The following KIAA0825 variants were observed in gnomAD, a reference collection of about 807,000 sequenced individuals.
The protein encoded by KIAA0825 is uncharacterized protein KIAA0825.
KIAA0825 carries 119 observed loss-of-function variants against 147.6 expected under a neutral mutation model. The ratio of observed to expected loss-of-function variants is 0.81; its 90% CI spans 0.69 to 0.94. The LOEUF is 0.94. Ranked by LOEUF, KIAA0825 falls within the 40% of genes least tolerant of loss-of-function variation. The pLI is 0.00. For missense variants in KIAA0825, 1,381 were observed against 1,472.7 expected (o/e 0.94, Z 1.02); for synonymous variants, 470 against 518.1 (o/e 0.91, Z 1.26).
intron 20 of KIAA0825, among the ~76,000 whole-genome samples, chr5:94,317,527 C>T (rs952813109): frequency 4.6e-5 from 7 of 151,848 alleles, no homozygotes; most frequent in African/African-American, 1.4e-4. Context: ...CATTGCACAA[C>T]TCCAGGGCTA....
At chr5:94,225,571 T>C (rs1174311398) in intron 20 of KIAA0825, among the ~76,000 whole-genome samples, 1 of 152,126 alleles carries the variant, frequency 6.6e-6, no homozygotes, top group African/African-American at 2.4e-5. Context: ...GAAAGATGAG[T>C]TTGCTGTCTC....
chr5:94,483,907 C>T (rs1762759153), intron 6 of KIAA0825, among the ~76,000 whole-genome samples: 1 of 151,200 alleles, frequency 6.6e-6, no homozygotes, highest in Non-Finnish European at 1.5e-5. Flanking sequence ...CACTTGCTTC[C>T]TTCACTTTTT....
intron 3 of KIAA0825, among the ~76,000 whole-genome samples, chr5:94,526,944 A>G (rs1361295551): frequency 2.6e-5 from 4 of 152,000 alleles, no homozygotes. Flanking sequence ...TGGGAGGTGT[A>G]AAAAGGTTTT....
chr5:94,162,518 G>C (rs925315479), intron 20 of KIAA0825, among the ~76,000 whole-genome samples: 6 of 152,102 alleles, frequency 3.9e-5, no homozygotes, highest in Non-Finnish European at 7.4e-5. Flanking sequence ...TGTTGCCCAG[G>C]CTGGCCTCAA....
At chr5:94,503,495 A>T (rs992161195) in intron 5 of KIAA0825, among the ~76,000 whole-genome samples, 4 of 152,096 alleles carry the variant, frequency 2.6e-5, no homozygotes, top group African/African-American at 9.7e-5. Context: ...CCTCATGAAC[A>T]CAGAACTTGG....
intron 8 of KIAA0825, among the ~76,000 whole-genome samples, chr5:94,472,359 T>C (rs558368539): frequency 2.0e-5 from 3 of 152,152 alleles, no homozygotes; most frequent in Admixed American, 6.5e-5. Context: ...TATCTCCACA[T>C]TGGATCAGTC....
intron 2 of KIAA0825, among the ~76,000 whole-genome samples, chr5:94,537,562 A>G (rs1772309890): frequency 7.1e-6 from 1 of 141,530 alleles, no homozygotes; most frequent in Admixed American, 6.8e-5. Context: ...GAGGCAGAAG[A>G]ATGGTGTGAA....
chr5:94,197,790 GT>G (rs1479509029), intron 20 of KIAA0825, among the ~76,000 whole-genome samples: 1 of 152,138 alleles, frequency 6.6e-6, no homozygotes, highest in Non-Finnish European at 1.5e-5. Flanking sequence ...TAGGTGTGAA[GT>G]TTTATTTCTG....
At chr5:94,518,627 T>G (rs1326735411) in intron 5 of KIAA0825, among the ~76,000 whole-genome samples, 1 of 152,080 alleles carries the variant, frequency 6.6e-6, no homozygotes, top group South Asian at 2.1e-4. Flanking sequence ...GTTCATGAAA[T>G]TGGGATAATA....
intron 20 of KIAA0825, among the ~76,000 whole-genome samples, chr5:94,203,994 G>GA (rs1448100954): frequency 9.9e-5 from 15 of 152,188 alleles, no homozygotes; most frequent in African/African-American, 1.4e-4. Flanking sequence ...AGTATATTTA[G>GA]AAAAAATATC....
At chr5:94,270,609 A>G (rs1776939407) in intron 20 of KIAA0825, among the ~76,000 whole-genome samples, 1 of 151,864 alleles carries the variant, frequency 6.6e-6, no homozygotes, top group South Asian at 2.1e-4. Context: ...TCAAAATGGG[A>G]AATTCAAAAG....
At chr5:94,344,520 T>G (rs1046140548) in intron 20 of KIAA0825, among the ~76,000 whole-genome samples, 3 of 152,136 alleles carry the variant, frequency 2.0e-5, no homozygotes, top group Non-Finnish European at 4.4e-5. Flanking sequence ...CTTCAAAAAA[T>G]TAAGCATATA....
rs534817297 is a variant in KIAA0825, at chr5:94,578,046, T to C, written c.-2+4387A>G. On this transcript the variant is annotated intron_variant, in intron 2 of 20. Coordinates refer to ENST00000682413, the MANE Select transcript of KIAA0825 (RefSeq NM_001145678.3). ...CCACAGGAAGACAGTTTTCAGAAAA[T>C]ACAAAAACTGAGGTTTGTGGTTTGG... Among the ~76,000 whole-genome samples the C allele has an allele frequency of 6.6e-5, 10 of 152,224 alleles. No homozygotes were observed. In the South Asian group the frequency reaches 1.9e-3, roughly 28 times the overall value.
At chr5:94,433,348 A>C (rs1755943039) in intron 14 of KIAA0825, among the ~76,000 whole-genome samples, 1 of 152,206 alleles carries the variant, frequency 6.6e-6, no homozygotes, top group African/African-American at 2.4e-5. Context: ...TTAAGGCAAC[A>C]GTTACTTGCT....
rs866063060 is a variant in KIAA0825, at chr5:94,240,384, T to A, written c.3711-86260A>T. 7.9e-5 allele frequency among the ~76,000 whole-genome samples: 12 copies of A among 152,350 alleles called. No individual in the cohort carries two copies. The South Asian group carries it at 2.3e-3, about 29-fold the overall frequency. ...TATTATTCTGGCAGCTTCACACATA[T>A]TGTTACAAGCTTATAAAACATTTTG... On this transcript the variant is annotated intron_variant, in intron 20 of 20. Transcript: ENST00000682413.
chr5:94,204,186 G>A (rs966410813), intron 20 of KIAA0825, among the ~76,000 whole-genome samples: 4 of 152,088 alleles, frequency 2.6e-5, no homozygotes, highest in African/African-American at 9.7e-5. Flanking sequence ...GTACTTCTTT[G>A]ATAATTGCTA....
At chr5:94,251,010 A>G (rs1233329277) in intron 20 of KIAA0825, among the ~76,000 whole-genome samples, 1 of 152,138 alleles carries the variant, frequency 6.6e-6, no homozygotes, top group African/African-American at 2.4e-5. Context: ...GCAATGGGGC[A>G]CCACAACCTT....
intron 3 of KIAA0825, among the ~76,000 whole-genome samples, chr5:94,528,416 A>G (rs1395318956): frequency 6.6e-6 from 1 of 152,196 alleles, no homozygotes; most frequent in Non-Finnish European, 1.5e-5. Flanking sequence ...TGGCTCTTCA[A>G]TGGTCCAGAT....
At chr5:94,288,145 A>G (rs956688616) in intron 20 of KIAA0825, among the ~76,000 whole-genome samples, 2 of 152,156 alleles carry the variant, frequency 1.3e-5, no homozygotes, top group Non-Finnish European at 2.9e-5. Flanking sequence ...GGAGGTAACT[A>G]AAATGATGGA....
Sources: allele counts gnomAD v4.1 joint callset (sites outside exome capture counted in the v4.1 genomes callset), GRCh38; gene constraint gnomAD v4.1.1; transcripts MANE v1.5; gene names NCBI Gene and HGNC (gene_info 2026-07-23, HGNC 2026-07-21).